ORC5: variants seen among roughly 807,000 people sequenced by gnomAD.
ORC5 encodes protein phosphatase 1, regulatory subunit 117.
Under a neutral mutation model 58.8 loss-of-function variants are expected in ORC5, and 39 were observed. That is an observed-to-expected ratio of 0.66 (90% CI 0.51 to 0.87). The LOEUF (loss-of-function observed/expected upper bound fraction) is 0.87. Ranked by LOEUF, ORC5 falls within the 40% of genes least tolerant of loss-of-function variation. The pLI is 0.00. For missense variants in ORC5, 493 were observed against 506.3 expected (o/e 0.97, Z 0.25); for synonymous variants, 218 against 177.6 (o/e 1.23, Z -1.81).
At chr7:104,128,238 T>C (rs1466476988) in intron 13 of ORC5, among the ~76,000 whole-genome samples, 1 of 152,186 alleles carries the variant, frequency 6.6e-6, no homozygotes, top group African/African-American at 2.4e-5. Flanking sequence ...TTCTCCTGCC[T>C]CAGCCTCTCA....
intron 12 of ORC5, among the ~76,000 whole-genome samples, chr7:104,140,352 T>C (rs1798653066): frequency 6.6e-6 from 1 of 152,198 alleles, no homozygotes; most frequent in Non-Finnish European, 1.5e-5. Context: ...ATTCCTTTCT[T>C]ACCTTTTGTT....
chr7:104,182,760 A>G (rs1799461099), intron 8 of ORC5, among the ~76,000 whole-genome samples: 1 of 152,198 alleles, frequency 6.6e-6, no homozygotes, highest in South Asian at 2.1e-4. Flanking sequence ...GTTCAAAAGC[A>G]CTATACAAAC....
chr7:104,203,787 T>C lies in ORC5; in HGVS notation c.165+355A>G, dbSNP rs186489121. Among the ~76,000 whole-genome samples the C allele has an allele frequency of 2.3e-3, 355 of 152,258 alleles. 2 individuals are homozygous for C. Among genetic ancestry groups the C allele is most frequent in the Middle Eastern group, 3.4e-3 (1 of 294 alleles). On this transcript the variant is annotated intron_variant, in intron 2 of 13. Coordinates refer to ENST00000297431, the MANE Select transcript of ORC5 (RefSeq NM_002553.4). The stretch of plus-strand genomic sequence containing the variant: ...GCATGGCCTAGCTGCTGGGTGAAGA[T>C]TGCAAATAAGAGGCTTACAGAAATA...
chr7:104,188,773 G>C (rs940949656), intron 5 of ORC5, among the ~76,000 whole-genome samples: 33 of 152,102 alleles, frequency 2.2e-4, no homozygotes, highest in Non-Finnish European at 1.2e-4. Flanking sequence ...AGTGGAGGAG[G>C]GGCCTCGTGG....
chr7:104,156,964 C>T lies in ORC5; in HGVS notation c.1149+4108G>A, dbSNP rs574256994. 2.6e-5 allele frequency among the ~76,000 whole-genome samples: 4 copies of T among 151,988 alleles called. No homozygotes were observed. In the East Asian group the frequency reaches 7.7e-4, roughly 29 times the overall value. On this transcript the variant is annotated intron_variant, in intron 12 of 13. Coordinates refer to ENST00000297431, the MANE Select transcript of ORC5 (RefSeq NM_002553.4). ...TCATCTTAAAGCCAGAATGCAAAAA[C>T]ATTGCCATCTAGTGTTCGTACCAAA... is the stretch of plus-strand genomic sequence containing the variant.
intron 12 of ORC5, among the ~76,000 whole-genome samples, chr7:104,147,805 T>G (rs1407307126): frequency 6.6e-6 from 1 of 152,230 alleles, no homozygotes; most frequent in East Asian, 1.9e-4. Flanking sequence ...GCCAAAATAA[T>G]ACTTCACATT....
chr7:104,154,652 T>C (rs1341018233), intron 12 of ORC5, among the ~76,000 whole-genome samples: 2 of 151,800 alleles, frequency 1.3e-5, no homozygotes, highest in Non-Finnish European at 3.0e-5. Flanking sequence ...ATTTGTTAAA[T>C]GAAATTTTAA....
chr7:104,171,819 C>T (rs1799216291), intron 8 of ORC5, among the ~76,000 whole-genome samples: 1 of 152,092 alleles, frequency 6.6e-6, no homozygotes, highest in African/African-American at 2.4e-5. Context: ...CTTGCCACTG[C>T]ACTCCAGCCT....
chr7:104,143,038 A>G (rs1798697180), intron 12 of ORC5, among the ~76,000 whole-genome samples: 1 of 152,192 alleles, frequency 6.6e-6, no homozygotes, highest in Non-Finnish European at 1.5e-5. Flanking sequence ...TGCTAAGTAT[A>G]TTAACTTCAA....
At chr7:104,144,206 G>A (rs1798718869) in intron 12 of ORC5, among the ~76,000 whole-genome samples, 1 of 152,088 alleles carries the variant, frequency 6.6e-6, no homozygotes, top group Non-Finnish European at 1.5e-5. Flanking sequence ...TTTTGCTAGA[G>A]TAAAATTGAA....
intron 6 of ORC5, among the ~76,000 whole-genome samples, chr7:104,187,074 G>A (rs543256113): frequency 1.1e-4 from 16 of 152,096 alleles, no homozygotes; most frequent in East Asian, 1.9e-4. Context: ...CACAGGATTC[G>A]AGTGCTAAAG....
chr7:104,193,745 G>A (rs73415709), intron 5 of ORC5, among the ~76,000 whole-genome samples: 16,751 of 147,570 alleles, frequency 0.11, 1,656 homozygotes, highest in African/African-American at 0.27. Context: ...AACTGAATAT[G>A]TAAAACCCCC....
intron 11 of ORC5, among the ~76,000 whole-genome samples, chr7:104,161,524 C>T (rs1799022185): frequency 6.6e-6 from 1 of 152,094 alleles, no homozygotes; most frequent in East Asian, 1.9e-4. Flanking sequence ...GCACACACCG[C>T]AATGTTTGGG....
chr7:104,126,693 C>A lies in ORC5; in HGVS notation c.*155G>T, dbSNP rs1798434017. 1.7e-6 allele frequency: 1 copy of A among 580,644 alleles called. No individual in the cohort carries two copies. The highest frequency in any genetic ancestry group is 3.0e-6 in the Non-Finnish European group (1 of 328,036). 36.0% of individuals were successfully genotyped at this position (580,644 alleles called of 1,614,324 possible). A position where few individuals can be genotyped will look rare whatever the true frequency, so the allele number is the denominator to read the frequency against. On this transcript the variant is annotated 3_prime_UTR_variant, in exon 14 of 14. Transcript: ENST00000297431. Reference sequence around the variant, plus strand: ...TCTGCTCACATCCACCCAGACCAATCAGAATATTTTCATCAGATTCCATGC... The same window carrying A: ...TCTGCTCACATCCACCCAGACCAATAAGAATATTTTCATCAGATTCCATGC...
At chr7:104,201,829 C>T (rs898604104) in intron 2 of ORC5, among the ~76,000 whole-genome samples, 1 of 152,138 alleles carries the variant, frequency 6.6e-6, no homozygotes, top group Middle Eastern at 3.4e-3. Flanking sequence ...GCATATGGCT[C>T]CTGCCTGTAA....
At chr7:104,192,551 G>T (rs1799699405) in intron 5 of ORC5, among the ~76,000 whole-genome samples, 1 of 152,002 alleles carries the variant, frequency 6.6e-6, no homozygotes, top group South Asian at 2.1e-4. Context: ...CCTTAAAAGG[G>T]TCAACTGTAT....
chr7:104,183,305 T>C (rs1799474407), intron 8 of ORC5, among the ~76,000 whole-genome samples: 1 of 152,166 alleles, frequency 6.6e-6, no homozygotes, highest in East Asian at 1.9e-4. Context: ...GTTCTGACAC[T>C]GACTCCTAGC....
At chr7:104,151,955 C>A (rs1453148071) in intron 12 of ORC5, among the ~76,000 whole-genome samples, 2 of 152,102 alleles carry the variant, frequency 1.3e-5, no homozygotes, top group African/African-American at 4.8e-5. Flanking sequence ...GGCCTAAGAA[C>A]CCTAATTTTT....
rs1328182831 is a variant in ORC5, at chr7:104,136,672, C to A, written c.1262+109G>T. The A allele has an allele frequency of 4.3e-6, 3 of 691,302 alleles. No individual in the cohort carries two copies. Among genetic ancestry groups the A allele is most frequent in the Non-Finnish European group, 7.5e-6 (3 of 401,448 alleles). 42.8% of individuals were successfully genotyped at this position (691,302 alleles called of 1,614,324 possible). On this transcript the variant is annotated intron_variant, in intron 13 of 13. Coordinates refer to ENST00000297431, the MANE Select transcript of ORC5 (RefSeq NM_002553.4). The surrounding 1 kb of genome is among the most constrained non-coding windows in gnomAD (Gnocchi z 4.2). ...TCGTACAGCTTATTCATTCTTGGCA[C>A]TTAAATAGATGATTTTTTCATGTTT...
Sources: gnomAD v4.1 joint callset for allele counts (sites outside exome capture counted in the v4.1 genomes callset) on GRCh38, gnomAD v4.1.1 for gene constraint, Gnocchi (gnomAD v3.1) non-coding constraint, MANE v1.5 for transcripts, NCBI Gene and HGNC (gene_info 2026-07-23, HGNC 2026-07-21) for gene names.